NBAS: variants seen among roughly 807,000 people sequenced by gnomAD.
NBAS encodes NBAS subunit of NRZ tethering complex.
In NBAS, 219 loss-of-function variants were observed where a neutral mutation model predicts 302.5. The ratio of observed to expected loss-of-function variants is 0.72; its 90% CI spans 0.65 to 0.81. The LOEUF (loss-of-function observed/expected upper bound fraction) is 0.81, where lower values mean the gene tolerates loss of function less well. NBAS is among the 30% of genes least tolerant of loss of function. The probability of loss-of-function intolerance (pLI) is 0.00; values close to 1 mark genes in which losing one functional copy is unlikely to be tolerated. For missense variants in NBAS, 2,932 were observed against 2,841.6 expected (o/e 1.03, Z -0.72); for synonymous variants, 1,118 against 1,021.6 (o/e 1.09, Z -1.80).
chr2:15,066,496 T>C, the NBAS span, among the ~76,000 whole-genome samples: 1 of 152,014 alleles, frequency 6.6e-6, no homozygotes, highest in Non-Finnish European at 1.5e-5. Context: ...CATAGGGAAA[T>C]CATATGACGC....
At chr2:14,819,056 G>A in the NBAS span, among the ~76,000 whole-genome samples, 70 of 152,286 alleles carry the variant, frequency 4.6e-4, no homozygotes, top group African/African-American at 1.5e-3. Context: ...GTGGCTTCCT[G>A]TGCCTCCCTC....
Position 15,238,065 on chromosome 2 carries a change from G to C in NBAS, c.5943+403C>G, listed in dbSNP as rs970788400. 2.0e-5 allele frequency among the ~76,000 whole-genome samples: 3 copies of C among 152,204 alleles called. No homozygotes were observed. In the East Asian group the frequency reaches 5.8e-4, roughly 29 times the overall value. Reference sequence around the variant, plus strand: ...GCTGGGATTACAGGAGTGAGCCACCGCGCCCAGCCTATTTTTATTTTTATT... The same window carrying C: ...GCTGGGATTACAGGAGTGAGCCACCCCGCCCAGCCTATTTTTATTTTTATT... On this transcript the variant is annotated intron_variant, in intron 45 of 51. Coordinates refer to ENST00000281513, the MANE Select transcript of NBAS (RefSeq NM_015909.4).
the NBAS span, among the ~76,000 whole-genome samples, chr2:14,783,891 G>A: frequency 3.9e-4 from 58 of 150,398 alleles, no homozygotes; most frequent in African/African-American, 1.2e-3. Context: ...CTGAGGAATC[G>A]CCACACTGAC....
the NBAS span, among the ~76,000 whole-genome samples, chr2:15,064,607 C>T: frequency 5.3e-5 from 8 of 152,146 alleles, no homozygotes; most frequent in Middle Eastern, 3.4e-3. Flanking sequence ...AGTCCAAGAC[C>T]GTATGGTTTC....
At chr2:15,542,513 C>A (rs1043623843) in intron 6 of NBAS, among the ~76,000 whole-genome samples, 2 of 143,550 alleles carry the variant, frequency 1.4e-5, no homozygotes, top group African/African-American at 5.2e-5. Context: ...GGTCCTCGGC[C>A]TAGGAAAACC....
chr2:15,438,713 G>C (rs1294280017), intron 21 of NBAS, among the ~76,000 whole-genome samples: 6 of 152,198 alleles, frequency 3.9e-5, no homozygotes, highest in Non-Finnish European at 2.9e-5. Context: ...GAAAGTCAGA[G>C]AGCCAGAGTA....
chr2:15,474,733 G>A (rs1572902308), intron 14 of NBAS, among the ~76,000 whole-genome samples: 1 of 152,118 alleles, frequency 6.6e-6, no homozygotes, highest in South Asian at 2.1e-4. Flanking sequence ...GCCAATTTTT[G>A]TATTTTTACT....
chr2:15,523,464 GA>G, intron 9 of NBAS, among the ~76,000 whole-genome samples: 1 of 23,982 alleles, frequency 4.2e-5, no homozygotes, highest in Non-Finnish European at 1.4e-4. Flanking sequence ...GTAATCTAGA[GA>G]TGATGTGAAA....
chr2:15,144,046 A>ATATATATATATTATCCTATAT, the NBAS span, among the ~76,000 whole-genome samples: 3 of 104,578 alleles, frequency 2.9e-5, no homozygotes, highest in Admixed American at 1.1e-4. Flanking sequence ...CCTATATATA[A>ATATATATATATTATCCTATAT]AAATATATAT....
At chr2:15,382,657 G>A (rs2096517783) in intron 29 of NBAS, among the ~76,000 whole-genome samples, 1 of 152,150 alleles carries the variant, frequency 6.6e-6, no homozygotes. Flanking sequence ...GGTACATGGT[G>A]GACAGTGACA....
the NBAS span, among the ~76,000 whole-genome samples, chr2:14,804,086 A>C: frequency 6.6e-6 from 1 of 152,204 alleles, no homozygotes; most frequent in Non-Finnish European, 1.5e-5. Flanking sequence ...CCTACTTGCT[A>C]AAATGTATTT....
chr2:15,330,285 C>G (rs1251805210), intron 36 of NBAS, among the ~76,000 whole-genome samples: 1 of 152,194 alleles, frequency 6.6e-6, no homozygotes, highest in East Asian at 1.9e-4. Flanking sequence ...TCTTCCTCAA[C>G]TACCAGTCTG....
At chr2:15,016,478 T>A in the NBAS span, among the ~76,000 whole-genome samples, 2 of 151,978 alleles carry the variant, frequency 1.3e-5, no homozygotes, top group African/African-American at 2.4e-5. Context: ...GAAGAGACTA[T>A]AAAAGAATGG....
the NBAS span, among the ~76,000 whole-genome samples, chr2:14,813,987 TA>T: frequency 6.6e-6 from 1 of 152,162 alleles, no homozygotes; most frequent in African/African-American, 2.4e-5. Flanking sequence ...TAGTCATAGC[TA>T]AAATGGATCA....
chr2:15,540,537 A>C (rs964907505), intron 6 of NBAS, among the ~76,000 whole-genome samples: 2 of 151,932 alleles, frequency 1.3e-5, no homozygotes, highest in African/African-American at 4.8e-5. Context: ...AAAAGTCCTG[A>C]AGGTTCTCCA....
chr2:14,897,102 G>A, the NBAS span, among the ~76,000 whole-genome samples: 3 of 150,212 alleles, frequency 2.0e-5, no homozygotes, highest in Admixed American at 6.7e-5. Context: ...TGGGAAAAAC[G>A]AAGGCCTCCA....
intron 21 of NBAS, among the ~76,000 whole-genome samples, chr2:15,445,811 G>A (rs1464261641): frequency 6.6e-6 from 1 of 151,286 alleles, no homozygotes; most frequent in Non-Finnish European, 1.5e-5. Flanking sequence ...TCAATTTCTT[G>A]AAACAGATCA....
the NBAS span, among the ~76,000 whole-genome samples, chr2:14,903,137 C>T: frequency 2.0e-5 from 3 of 151,862 alleles, no homozygotes; most frequent in Non-Finnish European, 4.4e-5. Flanking sequence ...TCCAGGGTGT[C>T]CTAGCGTGTA....
rs1384683644 is a variant in NBAS, at chr2:15,358,651, C to A, written c.3818-2235G>T. Among the ~76,000 whole-genome samples, 4 of 152,192 alleles carry A rather than the reference C, an allele frequency of 2.6e-5. No individual in the cohort carries two copies. The East Asian group carries it at 7.7e-4, about 29-fold the overall frequency. On this transcript the variant is annotated intron_variant, in intron 32 of 51. Coordinates refer to ENST00000281513, the MANE Select transcript of NBAS (RefSeq NM_015909.4). ...GTACAAACAGGGTCTTGCTATATGA[C>A]CCAGGCCAGTCTTGAACTCCTGGAC...
Sources: allele counts gnomAD v4.1 joint callset (sites outside exome capture counted in the v4.1 genomes callset), GRCh38; gene constraint gnomAD v4.1.1; transcripts MANE v1.5; gene names NCBI Gene and HGNC (gene_info 2026-07-23, HGNC 2026-07-21).